Variants in GPC3 observed in about 807,000 individuals in gnomAD.
GPC3 encodes the protein glypican-3.
In GPC3, 3 loss-of-function variants were observed where a neutral mutation model predicts 34.4. The ratio of observed to expected loss-of-function variants is 0.09; its 90% CI spans 0.04 to 0.23. The LOEUF is 0.23. Among genes scored for constraint, GPC3 ranks in the 10% least tolerant of loss-of-function variants. The probability of loss-of-function intolerance (pLI) is 1.00; values close to 1 mark genes in which losing one functional copy is unlikely to be tolerated. For synonymous variants in GPC3, 177 were observed against 174.0 expected, an observed-to-expected ratio of 1.02 and a Z score of -0.13; for missense variants, 351 against 445.6, an observed-to-expected ratio of 0.79 and a Z score of 1.91.
chrX:133,718,366 A>T (rs2071333871), intron 3 of GPC3, among the ~76,000 whole-genome samples: 1 of 111,664 alleles, frequency 9.0e-6, no homozygotes, highest in Non-Finnish European at 1.9e-5. Context: ...ATTAATCCAA[A>T]TTAGATTGTT....
chrX:133,552,041 GAA>G (rs1240345762), intron 7 of GPC3, among the ~76,000 whole-genome samples: 1 of 112,693 alleles, frequency 8.9e-6, no homozygotes, highest in Non-Finnish European at 1.9e-5. Flanking sequence ...AACTGGACTT[GAA>G]AGATAAAGAA....
At chrX:133,825,003 G>T (rs2075739294) in intron 2 of GPC3, among the ~76,000 whole-genome samples, 1 of 111,599 alleles carries the variant, frequency 9.0e-6, no homozygotes, top group African/African-American at 3.3e-5. Flanking sequence ...CTTCAGGCGT[G>T]TGCCACCATG....
chrX:133,637,041 C>T (rs1176520378), intron 6 of GPC3, among the ~76,000 whole-genome samples: 7 of 112,076 alleles, frequency 6.2e-5, no homozygotes, highest in East Asian at 2.8e-4. Context: ...TCCAGTCCCA[C>T]GCAAACTTGG....
At chrX:133,844,978 T>A (rs913055731) in intron 2 of GPC3, among the ~76,000 whole-genome samples, 1 of 111,743 alleles carries the variant, frequency 8.9e-6, no homozygotes, top group Non-Finnish European at 1.9e-5. Context: ...AGGGTCCCAG[T>A]TCAGAAGACG....
chrX:133,841,215 A>ATTTTTTTTTTTTTTTTCTTTTTTTTTTTT (rs2075822611), intron 2 of GPC3, among the ~76,000 whole-genome samples: 1 of 39,248 alleles, frequency 2.5e-5, no homozygotes, highest in Non-Finnish European at 5.4e-5. Flanking sequence ...TAATCTTTTA[A>ATTTTTTTTTTTTTTTTCTTTTTTTTTTTT]TTTTTTTTTT....
chrX:133,611,294 T>TA (rs1442743561), intron 6 of GPC3, among the ~76,000 whole-genome samples: 3 of 110,083 alleles, frequency 2.7e-5, no homozygotes, highest in South Asian at 7.9e-4. Context: ...AAGTGGTAGT[T>TA]ACAGAACATA....
At chrX:133,886,021 A>C (rs752195504) in intron 2 of GPC3, among the ~76,000 whole-genome samples, 1 of 111,505 alleles carries the variant, frequency 9.0e-6, no homozygotes, top group Non-Finnish European at 1.9e-5. Context: ...AAAAGCACCA[A>C]ATTTTATTGA....
intron 2 of GPC3, among the ~76,000 whole-genome samples, chrX:133,915,998 T>C (rs1016779756): frequency 1.8e-5 from 2 of 109,236 alleles, no homozygotes. Flanking sequence ...TACAAAAAAA[T>C]TGCCAGCGTG....
At chrX:133,791,412 A>G (rs180797733) in intron 2 of GPC3, among the ~76,000 whole-genome samples, 5 of 111,854 alleles carry the variant, frequency 4.5e-5, no homozygotes, top group Non-Finnish European at 7.5e-5. Flanking sequence ...ATGCATTTAG[A>G]CATTAAGCTC....
chrX:133,661,999 T>C, intron 5 of GPC3, 149 bp from the exon 6 acceptor site: 1 of 554,866 alleles, frequency 1.8e-6, no homozygotes, highest in Non-Finnish European at 2.9e-6. Context: ...ATAGTGTCTA[T>C]TTACAGTAAA....
intron 7 of GPC3, among the ~76,000 whole-genome samples, chrX:133,565,403 T>A (rs938406798): frequency 4.4e-5 from 5 of 112,481 alleles, no homozygotes; most frequent in African/African-American, 1.6e-4. Context: ...GGTTCTTCTG[T>A]GTCTTCCTTT....
intron 3 of GPC3, chrX:133,704,290 AGGTG>A: frequency 5.0e-6 from 5 of 991,503 alleles, no homozygotes; most frequent in Non-Finnish European, 5.4e-6. Context: ...AAAAAAAAAA[AGGTG>A]AAAATTACTT....
At chrX:133,727,507 G>A (rs969416793) in intron 3 of GPC3, among the ~76,000 whole-genome samples, 10 of 109,651 alleles carry the variant, frequency 9.1e-5, no homozygotes, top group Admixed American at 9.7e-5. Context: ...CCGAGATTGC[G>A]CCATTGCACT....
intron 3 of GPC3, among the ~76,000 whole-genome samples, chrX:133,732,053 A>C (rs1031660889): frequency 3.6e-5 from 4 of 111,977 alleles, no homozygotes; most frequent in African/African-American, 1.3e-4. Context: ...GCTAATACTT[A>C]AGCTGGGAAG....
chrX:133,717,747 T>C (rs2071329373), intron 3 of GPC3, among the ~76,000 whole-genome samples: 1 of 110,646 alleles, frequency 9.0e-6, no homozygotes, highest in Non-Finnish European at 1.9e-5. Context: ...GTCTGAGGGG[T>C]TTTGTCTGTG....
At chrX:133,768,946 A>C (rs947823413) in intron 2 of GPC3, among the ~76,000 whole-genome samples, 3 of 111,121 alleles carry the variant, frequency 2.7e-5, no homozygotes, top group African/African-American at 9.9e-5. Flanking sequence ...TCTCAAAAAA[A>C]AACAAAAGAA....
At chrX:133,881,977 GC>G (rs1463312818) in intron 2 of GPC3, among the ~76,000 whole-genome samples, 1 of 112,591 alleles carries the variant, frequency 8.9e-6, no homozygotes, top group Non-Finnish European at 1.9e-5. Context: ...GGCCCTTCGC[GC>G]CGTGCCTCCT....
At chrX:133,659,945 A>G (rs2070702110) in intron 6 of GPC3, among the ~76,000 whole-genome samples, 1 of 112,046 alleles carries the variant, frequency 8.9e-6, no homozygotes, top group Admixed American at 9.5e-5. Context: ...CCCCTCAGAG[A>G]TGCATTTTGA....
chrX:133,740,023 G>A (rs1465107423), intron 3 of GPC3, among the ~76,000 whole-genome samples: 2 of 112,202 alleles, frequency 1.8e-5, no homozygotes, highest in Non-Finnish European at 3.8e-5. Flanking sequence ...TATTGACTCA[G>A]CTTTCCATCT....
Sources: allele counts gnomAD v4.1 joint callset (sites outside exome capture counted in the v4.1 genomes callset), GRCh38; gene constraint gnomAD v4.1.1; transcripts MANE v1.5; gene names NCBI Gene and HGNC (gene_info 2026-07-23, HGNC 2026-07-21).